The following PNMA8A variants were observed in gnomAD, a reference collection of about 807,000 sequenced individuals.
PNMA8A encodes the protein PNMA family member 8A, also known as paraneoplastic antigen-like protein 8A.
In PNMA8A, 17 loss-of-function variants were observed where a neutral mutation model predicts 26.6. The observed-to-expected ratio is 0.64, with a 90% confidence interval of 0.44 to 0.96. The LOEUF (loss-of-function observed/expected upper bound fraction) is 0.96, where lower values mean the gene tolerates loss of function less well. Ranked by LOEUF, PNMA8A falls within the 40% of genes least tolerant of loss-of-function variation. The pLI, the probability that PNMA8A is intolerant of heterozygous loss-of-function variation, is 0.00. For missense variants in PNMA8A, 532 were observed against 488.4 expected, an observed-to-expected ratio of 1.09 and a Z score of -0.84; for synonymous variants, 224 against 182.0, an observed-to-expected ratio of 1.23 and a Z score of -1.86.
Position 46,470,291 on chromosome 19 carries a change from T to C in PNMA8A, c.745A>G (p.Asn249Asp). ...SRSRRKKQKKNSRQEAVPWKK... is the reference protein window; with the variant it reads ...SRSRRKKQKKDSRQEAVPWKK... ...CAGGGCACTGCTTCCTGCCTGGAGTTCTTCTTCTGCTTCTTTCTCCTGGAG... is the reference window on the plus strand; with the variant it reads ...CAGGGCACTGCTTCCTGCCTGGAGTCCTTCTTCTGCTTCTTTCTCCTGGAG... The change falls in exon 2 of 3, where the codon AAC becomes GAC. Residue 249 changes from asparagine (N) to aspartate (D), a missense_variant. Coordinates refer to ENST00000313683, the MANE Select transcript of PNMA8A (RefSeq NM_018215.4). The C allele has an allele frequency of 6.2e-7, 1 of 1,613,352 alleles. No individual in the cohort carries two copies. The highest frequency in any genetic ancestry group is 8.5e-7 in the Non-Finnish European group (1 of 1,179,912).
rs146703714 is a variant in PNMA8A, at chr19:46,470,057, C to G, written c.979G>C (p.Glu327Gln). 3 of 1,591,904 alleles carry G rather than the reference C, an allele frequency of 1.9e-6. No individual in the cohort carries two copies. The South Asian group carries it at 3.5e-5, about 18-fold the overall frequency. The change falls in exon 2 of 3, where the codon GAG (glutamate) becomes CAG (glutamine). Residue 327 changes from glutamate (E) to glutamine (Q), a missense_variant. By Grantham distance (29) the Glu-to-Gln change is conservative. Coordinates refer to ENST00000313683, the MANE Select transcript of PNMA8A (RefSeq NM_018215.4). ...GACTCAGAGGCGCCTCCTGGGCTCT[C>G]GGCTTCTGCCCGGGCATCCTGAGGT... ...EPPQDARAEA[E>Q]SPGGASESDQ...
In PNMA8A at chr19:46,466,999, A is replaced by C. The variant is rs1442934815; in HGVS notation, c.*1562T>G. 2 of 152,226 alleles carry C rather than the reference A, an allele frequency of 1.3e-5. No homozygotes were observed. The highest frequency in any genetic ancestry group is 2.4e-5 in the African/African-American group (1 of 41,456). The allele number at this position is 152,226 out of a possible 1,614,324, so 9.4% of individuals were successfully genotyped here. On this transcript the variant is annotated 3_prime_UTR_variant, in exon 3 of 3. Transcript: ENST00000313683. ...ACAAGAGCATGTGAATGACGAAAGGAAACTTGCTTTCAGGGTGTCAGATTA... is the reference window on the plus strand; with the variant it reads ...ACAAGAGCATGTGAATGACGAAAGGCAACTTGCTTTCAGGGTGTCAGATTA...
In PNMA8A at chr19:46,470,829, G is replaced by C. The variant is rs756644760; in HGVS notation, c.207C>G (p.Ala69=). The C allele has an allele frequency of 1.3e-6, 1 of 781,290 alleles. No homozygotes were observed. Among genetic ancestry groups the C allele is most frequent in the Non-Finnish European group, 2.4e-6 (1 of 418,392 alleles). The allele number at this position is 781,290 out of a possible 1,614,324, so 48.4% of individuals were successfully genotyped here. A position where few individuals can be genotyped will look rare whatever the true frequency, so the allele number is the denominator to read the frequency against. Residue 69 remains alanine (A), a synonymous_variant, in exon 2 of 3, where the codon GCC becomes GCG. Coordinates refer to ENST00000313683, the MANE Select transcript of PNMA8A (RefSeq NM_018215.4). ...IFVREENVKA[A]LIEVGEGVNL... Reference sequence around the variant, plus strand: ...TCACACCTTCACCAACCTCAATGAGGGCAGCTTTAACATTCTCTTCCCTCA... The same window carrying C: ...TCACACCTTCACCAACCTCAATGAGCGCAGCTTTAACATTCTCTTCCCTCA...
rs1394143948 is a variant in PNMA8A at position 46,470,080 on chromosome 19, G to C, written c.956C>G (p.Pro319Arg). Residue 319 changes from proline (P) to arginine (R), a missense_variant, in exon 2 of 3, where the codon CCT becomes CGT. Pro to Arg is a moderately radical substitution (Grantham distance 103, BLOSUM62 -2). Transcript: ENST00000313683. ...CTCGGCTTCTGCCCGGGCATCCTGA[G>C]GTGGCTCTCTGGGACCCTTCCAGGC... ...KCAWKGPREP[P>R]QDARAEAESP... 1.9e-6 allele frequency: 3 copies of C among 1,593,562 alleles called. No individual in the cohort carries two copies. The highest frequency in any genetic ancestry group is 2.3e-5 in the South Asian group (2 of 87,146).
rs1038245337 is a variant in PNMA8A, at chr19:46,468,476, T to A, written c.*85A>T. 4.0e-5 allele frequency: 52 copies of A among 1,307,878 alleles called. No homozygotes were observed. The Admixed American group carries it at 8.1e-4, about 20-fold the overall frequency. The allele number at this position is 1,307,878 out of a possible 1,614,324, so 81.0% of individuals were successfully genotyped here. A position where few individuals can be genotyped will look rare whatever the true frequency, so the allele number is the denominator to read the frequency against. On this transcript the variant is annotated 3_prime_UTR_variant, in exon 3 of 3. Transcript: ENST00000313683. ...ACAGGGGCCCTAAGAGAGTCCAAAG[T>A]CTTATTCAGTGACAAGAGAGAACTT...
At position 46,470,120 on chromosome 19, in the gene PNMA8A, G is replaced by A. The variant is rs1482714047; in HGVS notation, c.916C>T (p.Pro306Ser). ...VNKEELALKK[P>S]MAKCAWKGPR... is the part of the protein sequence containing the mutation. ...CCCTTCCAGGCACATTTCGCCATGGGCTTCTTCAAAGCCAACTCCTCCTTA... is the reference window on the plus strand; with the variant it reads ...CCCTTCCAGGCACATTTCGCCATGGACTTCTTCAAAGCCAACTCCTCCTTA... Residue 306 changes from proline (P) to serine (S), a missense_variant, in exon 2 of 3, where the codon CCC becomes TCC. Transcript: ENST00000313683. 5.6e-6 allele frequency: 9 copies of A among 1,607,982 alleles called. No individual in the cohort carries two copies. In the Admixed American group the frequency reaches 6.8e-5, roughly 12 times the overall value.
In PNMA8A at chr19:46,468,411, G is replaced by A; in HGVS notation, c.*150C>T. The A allele has an allele frequency of 9.1e-6, 5 of 547,098 alleles. No homozygotes were observed. Among genetic ancestry groups the A allele is most frequent in the Non-Finnish European group, 1.7e-5 (5 of 293,164 alleles). 33.9% of individuals were successfully genotyped at this position (547,098 alleles called of 1,614,324 possible). A position where few individuals can be genotyped will look rare whatever the true frequency, so the allele number is the denominator to read the frequency against. On this transcript the variant is annotated 3_prime_UTR_variant, in exon 3 of 3. Transcript: ENST00000313683. ...CCTTCCCCAACTCCCTCCCACCCAA[G>A]ACCTCACCTATCGTTTACCTCAGGG...
rs1969752897 is a variant in PNMA8A at position 46,469,572 on chromosome 19, C to T, written c.1303+161G>A. Among the ~76,000 whole-genome samples, 3 of 152,160 alleles carry T rather than the reference C, an allele frequency of 2.0e-5. No homozygotes were observed. In the South Asian group the frequency reaches 6.2e-4, roughly 32 times the overall value. On this transcript the variant is annotated intron_variant, in intron 2 of 2. Transcript: ENST00000313683. ...GGGCGGTCTGGGCTCTTACCCTCCT[C>T]AACTGGTGTGTCATCCACCTCCTGC... is the stretch of plus-strand genomic sequence containing the variant.
chr19:46,469,727 T>C lies in PNMA8A; in HGVS notation c.1303+6A>G, dbSNP rs1359495422. 1.3e-6 allele frequency: 2 copies of C among 1,596,978 alleles called. No homozygotes were observed. The highest frequency in any genetic ancestry group is 1.7e-6 in the Non-Finnish European group (2 of 1,173,144). On this transcript the variant is annotated splice_donor_region_variant and intron_variant, in intron 2 of 2. Transcript: ENST00000313683. Reference sequence around the variant, plus strand: ...CGAGCCCAGTCACTTCTGCTATCATTCTCACCATTGGTGGCACGCCGAGGA... The same window carrying C: ...CGAGCCCAGTCACTTCTGCTATCATCCTCACCATTGGTGGCACGCCGAGGA...
rs1420174527 is a variant in PNMA8A at position 46,466,989 on chromosome 19, T to A, written c.*1572A>T. ...TCACGGCAGAACAAGAGCATGTGAA[T>A]GACGAAAGGAAACTTGCTTTCAGGG... On this transcript the variant is annotated 3_prime_UTR_variant, in exon 3 of 3. Transcript: ENST00000313683. 1.3e-5 allele frequency: 2 copies of A among 152,206 alleles called. No individual in the cohort carries two copies. Among genetic ancestry groups the A allele is most frequent in the East Asian group, 3.8e-4 (2 of 5,196 alleles). The allele number at this position is 152,206 out of a possible 1,614,324, so 9.4% of individuals were successfully genotyped here.
At position 46,468,180 on chromosome 19, in the gene PNMA8A, A is replaced by C. The variant is rs1006384202; in HGVS notation, c.*381T>G. 9.5e-6 allele frequency: 2 copies of C among 211,082 alleles called. No individual in the cohort carries two copies. Among genetic ancestry groups the C allele is most frequent in the African/African-American group, 2.3e-5 (1 of 43,842 alleles). 13.1% of individuals were successfully genotyped at this position (211,082 alleles called of 1,614,324 possible). ...ATGCCAGGGCCTGCAGAGGTCGCTG[A>C]CCATTCCGAGGAGGGAGCAAGGCGT... On this transcript the variant is annotated 3_prime_UTR_variant, in exon 3 of 3. Coordinates refer to ENST00000313683, the MANE Select transcript of PNMA8A (RefSeq NM_018215.4).
Position 46,471,444 on chromosome 19 carries a change from A to G in PNMA8A, c.-187T>C. On this transcript the variant is annotated 5_prime_UTR_variant, in exon 1 of 3. Coordinates refer to ENST00000313683, the MANE Select transcript of PNMA8A (RefSeq NM_018215.4). ...ACCCCGGCGCCGCTGCTAGAGGCAG[A>G]AAGGGCCAAGAAGGCGCCGTCCGCC... 1 of 159,960 alleles carries G rather than the reference A, an allele frequency of 6.3e-6. No individual in the cohort carries two copies. Among genetic ancestry groups the G allele is most frequent in the Non-Finnish European group, 1.4e-5 (1 of 73,282 alleles). The allele number at this position is 159,960 out of a possible 1,614,324, so 9.9% of individuals were successfully genotyped here.
chr19:46,470,719 A>C lies in PNMA8A; in HGVS notation c.317T>G (p.Phe106Cys). Reference protein sequence around the residue: ...VCRDPTQDAEFLKNLNEFLDA... With the variant: ...VCRDPTQDAECLKNLNEFLDA... ...CAGGAATTCATTCAGATTTTTTAAA[A>C]ACTCGGCATCCTGGGTAGGGTCTCT... is the stretch of plus-strand genomic sequence containing the variant. The change falls in exon 2 of 3, where the codon TTT becomes TGT. Residue 106 changes from phenylalanine (F) to cysteine (C), a missense_variant. Physicochemically the swap from Phe to Cys is radical, Grantham distance 205. Coordinates refer to ENST00000313683, the MANE Select transcript of PNMA8A (RefSeq NM_018215.4). The C allele has an allele frequency of 1.0e-6, 1 of 977,734 alleles. No individual in the cohort carries two copies. Among genetic ancestry groups the C allele is most frequent in the Non-Finnish European group, 1.7e-6 (1 of 598,078 alleles). The allele number at this position is 977,734 out of a possible 1,614,324, so 60.6% of individuals were successfully genotyped here.
At position 46,470,497 on chromosome 19, in the gene PNMA8A, G is replaced by A. The variant is rs750479193; in HGVS notation, c.539C>T (p.Ala180Val). 12 of 1,613,872 alleles carry A rather than the reference G, an allele frequency of 7.4e-6. No individual in the cohort carries two copies. The highest frequency in any genetic ancestry group is 1.0e-5 in the Non-Finnish European group (12 of 1,180,048). Residue 180 changes from alanine to valine, a missense_variant, in exon 2 of 3, where the codon GCT (alanine) becomes GTT (valine). Physicochemically the swap from Ala to Val is moderately conservative, Grantham distance 64. Transcript: ENST00000313683. ...CCAGGCTGCCATCTCCTCGAATTCA[G>A]CGGCCTCCTGGGCCCTGGCTTCCTC... Reference protein sequence around the residue: ...SREEARAQEAAEFEEMAAWAL... With the variant: ...SREEARAQEAVEFEEMAAWAL...
Position 46,470,973 on chromosome 19 carries a change from G to A in PNMA8A, c.63C>T (p.Ile21=). 1.3e-6 allele frequency: 1 copy of A among 780,870 alleles called. No individual in the cohort carries two copies. The highest frequency in any genetic ancestry group is 2.4e-6 in the Non-Finnish European group (1 of 418,054). The allele number at this position is 780,870 out of a possible 1,614,324, so 48.4% of individuals were successfully genotyped here. The change falls in exon 2 of 3, where the codon ATC becomes ATT. Residue 21 remains isoleucine (I), a synonymous_variant. Transcript: ENST00000313683. ...TGCCTGTGACCAACAAGGACCTGTG[G>A]ATGTCCACTTCCATTCCCCTGCACC... is the stretch of plus-strand genomic sequence containing the variant. The part of the protein sequence containing the change: ...EDWCRGMEVD[I]HRSLLVTGIP...
In PNMA8A at chr19:46,471,062, A is replaced by T. The variant is rs1969786710; in HGVS notation, c.-27T>A. 1.4e-6 allele frequency: 1 copy of T among 722,596 alleles called. No individual in the cohort carries two copies. 44.8% of individuals were successfully genotyped at this position (722,596 alleles called of 1,614,324 possible). A position where few individuals can be genotyped will look rare whatever the true frequency, so the allele number is the denominator to read the frequency against. On this transcript the variant is annotated 5_prime_UTR_variant, in exon 2 of 3. Transcript: ENST00000313683. Reference sequence around the variant, plus strand: ...TAGCGGCTCTGAACCTACTATGTGTAGTAAATAGTCTATCAGGTGGACGTG... The same window carrying T: ...TAGCGGCTCTGAACCTACTATGTGTTGTAAATAGTCTATCAGGTGGACGTG...
At position 46,470,610 on chromosome 19, in the gene PNMA8A, G is replaced by C. The variant is rs755066113; in HGVS notation, c.426C>G (p.Pro142=). 3.5e-5 allele frequency: 56 copies of C among 1,612,412 alleles called. No homozygotes were observed. The highest frequency in any genetic ancestry group is 4.7e-5 in the Non-Finnish European group (55 of 1,178,562). Residue 142 remains proline (P), a synonymous_variant, in exon 2 of 3, where the codon CCC becomes CCG. Transcript: ENST00000313683. ...CCAGAGCTTCTGCCCAGTTCTCTGG[G>C]GGCTGATGCTGGTTCTGGGACAGGG... ...HPTLSQNQHQ[P]PENWAEALGV...
Position 46,470,638 on chromosome 19 carries a change from G to T in PNMA8A, c.398C>A (p.Pro133His). 1 of 1,579,614 alleles carries T rather than the reference G, an allele frequency of 6.3e-7. No homozygotes were observed. Among genetic ancestry groups the T allele is most frequent in the Non-Finnish European group, 8.7e-7 (1 of 1,148,578 alleles). The part of the protein sequence containing the change: ...DVVRLLQLNH[P>H]TLSQNQHQPP... ...CTGATGCTGGTTCTGGGACAGGGTG[G>T]GGTGGTTGAGCTGGAGCAGGCGGAC... The change falls in exon 2 of 3, where the codon CCC (proline) becomes CAC (histidine). Residue 133 changes from proline to histidine, a missense_variant. Coordinates refer to ENST00000313683, the MANE Select transcript of PNMA8A (RefSeq NM_018215.4).
In PNMA8A at chr19:46,470,360, C is replaced by A; in HGVS notation, c.676G>T (p.Glu226Ter). ...NNWNATEDQHEPTKPLVRRAG... is the reference protein window; with the variant it reads ...NNWNATEDQH ...CTGCGAACCAAAGGTTTGGTAGGCT[C>A]ATGCTGGTCTTCCGTGGCATTCCAG... is the stretch of plus-strand genomic sequence containing the variant. Residue 226 changes from glutamate to a stop codon, truncating the protein, a stop_gained, in exon 2 of 3, where the codon GAG becomes TAG. Coordinates refer to ENST00000313683, the MANE Select transcript of PNMA8A (RefSeq NM_018215.4). LOFTEE classifies it high-confidence loss of function. 1 of 1,614,064 alleles carries A rather than the reference C, an allele frequency of 6.2e-7. No individual in the cohort carries two copies. Among genetic ancestry groups the A allele is most frequent in the Non-Finnish European group, 8.5e-7 (1 of 1,180,040 alleles).
Sources: gnomAD v4.1 joint callset for allele counts (sites outside exome capture counted in the v4.1 genomes callset) on GRCh38, gnomAD v4.1.1 for gene constraint, MANE v1.5 for transcripts, NCBI Gene and HGNC (gene_info 2026-07-23, HGNC 2026-07-21) for gene names.